PSD3: variants seen among roughly 807,000 people sequenced by gnomAD.
PSD3 encodes the protein PH and SEC7 domain-containing protein 3.
Under a neutral mutation model 105.5 loss-of-function variants are expected in PSD3, and 49 were observed. The observed-to-expected ratio is 0.46, with a 90% CI of 0.37 to 0.59. PSD3 has a LOEUF of 0.59. Ranked by LOEUF, PSD3 falls within the 20% of genes least tolerant of loss-of-function variation. PSD3 has a pLI of 0.00. For synonymous variants in PSD3, 557 were observed against 457.8 expected, an observed-to-expected ratio of 1.22 and a Z score of -2.77; for missense variants, 1,561 against 1,263.8, an observed-to-expected ratio of 1.24 and a Z score of -3.57.
At chr8:18,853,097 A>G (rs1815723791) in intron 4 of PSD3, among the ~76,000 whole-genome samples, 1 of 152,156 alleles carries the variant, frequency 6.6e-6, no homozygotes, top group African/African-American at 2.4e-5. Flanking sequence ...CTCATAAAAT[A>G]TATTTCATGG....
intron 1 of PSD3, among the ~76,000 whole-genome samples, chr8:19,006,348 ACACT>A (rs1379912260): frequency 6.6e-6 from 1 of 151,524 alleles, no homozygotes; most frequent in Non-Finnish European, 1.5e-5. Context: ...ATGCATGTAC[ACACT>A]CACACATACT....
chr8:19,046,731 CTGA>C (rs1828332488), intron 1 of PSD3, among the ~76,000 whole-genome samples: 1 of 152,188 alleles, frequency 6.6e-6, no homozygotes, highest in African/African-American at 2.4e-5. Flanking sequence ...TCAGTAAGAT[CTGA>C]TGAGGTTTTG....
At chr8:18,631,091 G>A (rs1229187351) in intron 11 of PSD3, among the ~76,000 whole-genome samples, 2 of 151,970 alleles carry the variant, frequency 1.3e-5, no homozygotes, top group Admixed American at 6.6e-5. Context: ...TGAGGGGAAT[G>A]AACACTATCA....
intron 15 of PSD3, among the ~76,000 whole-genome samples, chr8:18,539,499 G>A (rs1470203243): frequency 6.6e-6 from 1 of 151,438 alleles, no homozygotes. Context: ...ATGAAAGCTG[G>A]TGTGTAAGAA....
intron 4 of PSD3, among the ~76,000 whole-genome samples, chr8:18,837,283 A>G: frequency 6.6e-6 from 1 of 152,186 alleles, no homozygotes; most frequent in East Asian, 1.9e-4. Flanking sequence ...ACCAGGGGCC[A>G]GCTCTCCACT....
intron 4 of PSD3, among the ~76,000 whole-genome samples, chr8:18,815,487 T>G (rs541252939): frequency 1.3e-5 from 2 of 152,226 alleles, no homozygotes; most frequent in South Asian, 4.2e-4. Flanking sequence ...TTTTTTGTAT[T>G]TTTAGTAGAG....
chr8:18,587,754 T>C (rs1046206541), intron 12 of PSD3, among the ~76,000 whole-genome samples: 5 of 152,192 alleles, frequency 3.3e-5, no homozygotes, highest in African/African-American at 1.2e-4. Context: ...TCCTCCTATT[T>C]TGTGAGCTCT....
At chr8:19,067,201 T>A (rs1318849347) in intron 1 of PSD3, among the ~76,000 whole-genome samples, 1 of 152,166 alleles carries the variant, frequency 6.6e-6, no homozygotes, top group Non-Finnish European at 1.5e-5. Context: ...GTGAGACAAG[T>A]CAGAGGAAAA....
intron 11 of PSD3, among the ~76,000 whole-genome samples, chr8:18,621,000 C>A (rs766825999): frequency 6.6e-6 from 1 of 152,186 alleles, no homozygotes; most frequent in Non-Finnish European, 1.5e-5. Flanking sequence ...CTAAAAATCA[C>A]ATGCACAGTG....
chr8:18,571,707 T>G (rs1323622698), intron 14 of PSD3, among the ~76,000 whole-genome samples: 1 of 152,210 alleles, frequency 6.6e-6, no homozygotes, highest in East Asian at 1.9e-4. Context: ...TCTCTTGCCA[T>G]GGGACACATC....
At chr8:18,879,969 T>A (rs995893595) in intron 2 of PSD3, among the ~76,000 whole-genome samples, 29 of 152,158 alleles carry the variant, frequency 1.9e-4, no homozygotes, top group Non-Finnish European at 2.9e-5. Flanking sequence ...GTTCTAGTTG[T>A]AGCTTCTGGG....
chr8:18,951,966 T>C (rs1215429046), intron 1 of PSD3, among the ~76,000 whole-genome samples: 1 of 152,006 alleles, frequency 6.6e-6, no homozygotes, highest in Non-Finnish European at 1.5e-5. Context: ...CAAAACTCTG[T>C]CTCAAAAAAG....
intron 11 of PSD3, among the ~76,000 whole-genome samples, chr8:18,613,109 T>A (rs1805390938): frequency 6.6e-6 from 1 of 152,058 alleles, no homozygotes; most frequent in South Asian, 2.1e-4. Flanking sequence ...TACATCATTT[T>A]TTTCAGGAAA....
chr8:18,652,573 C>T (rs1808590016), intron 10 of PSD3, among the ~76,000 whole-genome samples: 1 of 144,504 alleles, frequency 6.9e-6, no homozygotes. Flanking sequence ...TCTCAGCTCA[C>T]TGCAACCTCT....
chr8:18,556,739 A>G (rs373136300), intron 14 of PSD3, among the ~76,000 whole-genome samples: 3 of 152,352 alleles, frequency 2.0e-5, no homozygotes, highest in East Asian at 1.9e-4. Flanking sequence ...ATGCCCACTC[A>G]GCAATGCTGC....
chr8:18,674,136 A>G lies in PSD3; in HGVS notation c.2173-18451T>C, dbSNP rs979873948. Among the ~76,000 whole-genome samples the G allele has an allele frequency of 5.9e-5, 9 of 151,924 alleles. No homozygotes were observed. In the South Asian group the frequency reaches 1.9e-3, roughly 32 times the overall value. On this transcript the variant is annotated intron_variant, in intron 9 of 15. Transcript: ENST00000327040. ...AGTCCAGACTGGATGAAAGAGTGAA[A>G]CTTGTCTTAAAAAAAAAAAGAAAAT...
intron 1 of PSD3, among the ~76,000 whole-genome samples, chr8:18,978,428 C>T (rs896374384): frequency 1.3e-5 from 2 of 152,156 alleles, no homozygotes; most frequent in Admixed American, 6.5e-5. Context: ...GAAAGGGAAA[C>T]GTGAGGTTAT....
intron 14 of PSD3, among the ~76,000 whole-genome samples, chr8:18,562,421 C>T (rs1220260564): frequency 6.6e-6 from 1 of 152,188 alleles, no homozygotes; most frequent in Non-Finnish European, 1.5e-5. Flanking sequence ...TTCTGAAATC[C>T]AAAGGGCTGT....
At chr8:18,762,461 G>A (rs1806621442) in intron 9 of PSD3, among the ~76,000 whole-genome samples, 1 of 152,174 alleles carries the variant, frequency 6.6e-6, no homozygotes, top group South Asian at 2.1e-4. Context: ...TTTGTTTGCA[G>A]CAGTGGGAGA....
Sources: gnomAD v4.1 joint callset for allele counts (sites outside exome capture counted in the v4.1 genomes callset) on GRCh38, gnomAD v4.1.1 for gene constraint, MANE v1.5 for transcripts, NCBI Gene and HGNC (gene_info 2026-07-23, HGNC 2026-07-21) for gene names.